The following SNTG1 variants were observed in gnomAD, a reference collection of about 807,000 sequenced individuals.
The protein encoded by SNTG1 is gamma-1-syntrophin.
A neutral mutation model predicts 74.7 loss-of-function variants in SNTG1; 39 were observed. That is an observed-to-expected ratio of 0.52 (90% confidence interval 0.40 to 0.68). SNTG1 has a LOEUF of 0.68. Among genes scored for constraint, SNTG1 ranks in the 30% least tolerant of loss-of-function variants. The probability of loss-of-function intolerance (pLI) is 0.00; values close to 1 mark genes in which losing one functional copy is unlikely to be tolerated. For synonymous variants in SNTG1, 254 were observed against 217.1 expected (o/e 1.17, Z -1.49); for missense variants, 685 against 609.5 (o/e 1.12, Z -1.30).
chr8:50,785,974 A>G (rs2095673858), intron 18 of SNTG1, among the ~76,000 whole-genome samples: 1 of 152,040 alleles, frequency 6.6e-6, no homozygotes, highest in Non-Finnish European at 1.5e-5. Flanking sequence ...TAATAAGTAT[A>G]CTGAAGAAAA....
In SNTG1 at chr8:50,006,216, C is replaced by T. The variant is rs370587407; in HGVS notation, c.-103+93985C>T. On this transcript the variant is annotated intron_variant, in intron 1 of 18. Coordinates refer to ENST00000642720, the MANE Select transcript of SNTG1 (RefSeq NM_018967.5). ...GACCTTGTGATCCACCGGCCTCAGC[C>T]TCCCAAAGTGCTGGGATTACAGGCG... Among the ~76,000 whole-genome samples the T allele has an allele frequency of 1.1e-4, 17 of 152,132 alleles. 1 individual carries two copies. The highest frequency in any genetic ancestry group is 1.0e-3 in the Admixed American group (16 of 15,282).
At chr8:50,680,878 T>A (rs1034339660) in intron 15 of SNTG1, among the ~76,000 whole-genome samples, 1 of 152,132 alleles carries the variant, frequency 6.6e-6, no homozygotes, top group African/African-American at 2.4e-5. Flanking sequence ...CCCATCTGCA[T>A]TGGGAATCCA....
chr8:50,463,756 G>T (rs756973477), intron 8 of SNTG1, among the ~76,000 whole-genome samples: 42 of 152,162 alleles, frequency 2.8e-4, no homozygotes, highest in Non-Finnish European at 5.0e-4. Flanking sequence ...GCCACCAGCA[G>T]CATTGGCCCC....
chr8:50,385,869 C>T (rs2092566807), intron 2 of SNTG1, among the ~76,000 whole-genome samples: 1 of 152,170 alleles, frequency 6.6e-6, no homozygotes, highest in South Asian at 2.1e-4. Context: ...TGTGGTAATC[C>T]ATTGTCAGTC....
chr8:50,267,450 C>A (rs2087540035), intron 2 of SNTG1, among the ~76,000 whole-genome samples: 1 of 152,088 alleles, frequency 6.6e-6, no homozygotes, highest in Non-Finnish European at 1.5e-5. Flanking sequence ...TCAAGTCAAT[C>A]TATGAGCTAT....
chr8:50,709,125 G>A lies in SNTG1; in HGVS notation c.1284+147G>A, dbSNP rs73678629. The A allele has an allele frequency of 5.3e-3, 3,268 of 622,270 alleles. 74 individuals are homozygous for A. The African/African-American group carries it at 0.053, about 10-fold the overall frequency. 38.5% of individuals were successfully genotyped at this position (622,270 alleles called of 1,614,324 possible). A position where few individuals can be genotyped will look rare whatever the true frequency, so the allele number is the denominator to read the frequency against. ...TTTTTGTTAATGGAAGATAAATTATGCTTCGATCTGAAAAAAAGTTTGAAT... is the reference window on the plus strand; with the variant it reads ...TTTTTGTTAATGGAAGATAAATTATACTTCGATCTGAAAAAAAGTTTGAAT... On this transcript the variant is annotated intron_variant, in intron 17 of 18. Transcript: ENST00000642720.
At chr8:50,784,641 G>T (rs1032898861) in intron 18 of SNTG1, among the ~76,000 whole-genome samples, 1 of 152,140 alleles carries the variant, frequency 6.6e-6, no homozygotes, top group Non-Finnish European at 1.5e-5. Flanking sequence ...AAGCAGAAGA[G>T]TAACAATGAT....
intron 4 of SNTG1, among the ~76,000 whole-genome samples, chr8:50,421,096 T>C (rs908331528): frequency 6.6e-6 from 1 of 150,456 alleles, no homozygotes; most frequent in African/African-American, 2.4e-5. Context: ...AAGTAAGGTT[T>C]CTATTACTTC....
intron 15 of SNTG1, among the ~76,000 whole-genome samples, chr8:50,663,656 A>G (rs2095236527): frequency 6.6e-6 from 1 of 152,184 alleles, no homozygotes; most frequent in East Asian, 1.9e-4. Flanking sequence ...ATTTTCAATT[A>G]CAGACTAAAA....
At chr8:50,463,048 C>T (rs2093580337) in intron 8 of SNTG1, among the ~76,000 whole-genome samples, 1 of 152,070 alleles carries the variant, frequency 6.6e-6, no homozygotes, top group Non-Finnish European at 1.5e-5. Context: ...AACTCCTGAC[C>T]TTGTGATCCA....
chr8:50,232,999 C>G (rs2085706220), intron 2 of SNTG1, among the ~76,000 whole-genome samples: 1 of 151,484 alleles, frequency 6.6e-6, no homozygotes. Flanking sequence ...CAAATTGATA[C>G]ATAAGTTTAA....
At chr8:49,968,761 A>G (rs537853980) in intron 1 of SNTG1, among the ~76,000 whole-genome samples, 2 of 152,270 alleles carry the variant, frequency 1.3e-5, no homozygotes, top group East Asian at 3.9e-4. Flanking sequence ...GCAAGCAAGA[A>G]GCCATTTATC....
chr8:50,607,355 G>A (rs1354938339), intron 13 of SNTG1, among the ~76,000 whole-genome samples: 1 of 151,312 alleles, frequency 6.6e-6, no homozygotes. Context: ...TGATTTATAT[G>A]TAGGGTTTTA....
At position 50,793,530 on chromosome 8, in the gene SNTG1, A is replaced by T. The variant is rs953198365; in HGVS notation, c.*701A>T. ...ATTGAAATGTCTTATTAGCTGCCAA[A>T]GTCAATCAAATATGCCAACAGTGTA... On this transcript the variant is annotated 3_prime_UTR_variant, in exon 19 of 19. Coordinates refer to ENST00000642720, the MANE Select transcript of SNTG1 (RefSeq NM_018967.5). 1 of 152,010 alleles carries T rather than the reference A, an allele frequency of 6.6e-6. No homozygotes were observed. The highest frequency in any genetic ancestry group is 1.5e-5 in the Non-Finnish European group (1 of 67,916). The allele number at this position is 152,010 out of a possible 1,614,324, so 9.4% of individuals were successfully genotyped here.
rs2086697883 is a variant in SNTG1, at chr8:50,252,773, C to T, written c.-28+80138C>T. Among the ~76,000 whole-genome samples the T allele has an allele frequency of 2.0e-5, 3 of 152,236 alleles. No individual in the cohort carries two copies. The South Asian group carries it at 6.2e-4, about 32-fold the overall frequency. On this transcript the variant is annotated intron_variant, in intron 2 of 18. Transcript: ENST00000642720. ...CAAAGGCAGTCACAAGGGATTCACC[C>T]CCATGACTCAAACACCTCCCACCAG... is the stretch of plus-strand genomic sequence containing the variant.
chr8:50,008,670 A>C (rs1815481389), intron 1 of SNTG1, among the ~76,000 whole-genome samples: 1 of 152,176 alleles, frequency 6.6e-6, no homozygotes, highest in Non-Finnish European at 1.5e-5. Context: ...CTGATAGTGG[A>C]TAATACCAGA....
intron 1 of SNTG1, among the ~76,000 whole-genome samples, chr8:50,144,617 A>C (rs570057055): frequency 8.9e-4 from 136 of 152,294 alleles, no homozygotes; most frequent in Admixed American, 1.7e-3. Flanking sequence ...GGGATCATTT[A>C]GGAAGCTTCT....
chr8:50,386,275 C>T (rs2092572733), intron 2 of SNTG1, among the ~76,000 whole-genome samples: 1 of 152,080 alleles, frequency 6.6e-6, no homozygotes, highest in Non-Finnish European at 1.5e-5. Context: ...AGCCCCTCTT[C>T]TGATTGGTGG....
In SNTG1 at chr8:50,629,522, A is replaced by G. The variant is rs16915114; in HGVS notation, c.850-27387A>G. Among the ~76,000 whole-genome samples the G allele has an allele frequency of 7.8e-3, 1,189 of 152,152 alleles. 11 individuals carry two copies. The highest frequency in any genetic ancestry group is 0.026 in the African/African-American group (1,088 of 41,528). On this transcript the variant is annotated intron_variant, in intron 13 of 18. Transcript: ENST00000642720. ...CTTACTGTCCATACTCAGTTAATTG[A>G]TACAGAATTCTGTTAAGATACATGG... is the stretch of plus-strand genomic sequence containing the variant.
Sources: allele counts gnomAD v4.1 joint callset (sites outside exome capture counted in the v4.1 genomes callset), GRCh38; gene constraint gnomAD v4.1.1; transcripts MANE v1.5; gene names NCBI Gene and HGNC (gene_info 2026-07-23, HGNC 2026-07-21).